The following NIPA2 variants were observed in gnomAD, a reference collection of about 807,000 sequenced individuals.
The protein encoded by NIPA2 is NIPA magnesium transporter 2, also known as magnesium transporter NIPA2.
Under a neutral mutation model 29.7 loss-of-function variants are expected in NIPA2, and 11 were observed. That is an observed-to-expected ratio of 0.37 (90% CI 0.23 to 0.61). The LOEUF is 0.61. NIPA2 is among the 20% of genes least tolerant of loss of function. NIPA2 has a pLI of 0.66. For synonymous variants in NIPA2, 183 were observed against 161.9 expected, an observed-to-expected ratio of 1.13 and a Z score of -0.99; for missense variants, 426 against 437.9, an observed-to-expected ratio of 0.97 and a Z score of 0.24.
At chr15:22,846,839 TA>T (rs1187858456) in intron 3 of NIPA2, among the ~76,000 whole-genome samples, 11 of 138,974 alleles carry the variant, frequency 7.9e-5, no homozygotes, top group South Asian at 4.7e-4. Context: ...ATAATAATAA[TA>T]ATTATTATTA....
chr15:22,844,997 A>G (rs1898214049), intron 2 of NIPA2, 149 bp from the exon 3 acceptor site: 1 of 152,170 alleles, frequency 6.6e-6, no homozygotes, highest in Non-Finnish European at 1.5e-5. Context: ...ATTACTCCCG[A>G]GTCCCCCTAA....
rs901973792 is a variant in NIPA2, at chr15:22,851,728, C to T, written c.-4C>T. On this transcript the variant is annotated 5_prime_UTR_variant, in exon 4 of 8. It adds an upstream start codon to the 5' untranslated region. Transcript: ENST00000337451. Reference sequence around the variant, plus strand: ...TCACAGGAACTCCTTAAGTAACAAACGAAATGAGCCAGGGGCGTGGAAAAT... The same window carrying T: ...TCACAGGAACTCCTTAAGTAACAAATGAAATGAGCCAGGGGCGTGGAAAAT... 2.5e-6 allele frequency: 4 copies of T among 1,605,158 alleles called. No homozygotes were observed. The highest frequency in any genetic ancestry group is 4.5e-5 in the East Asian group (2 of 44,782).
chr15:22,861,133 T>G lies in NIPA2; in HGVS notation c.448+344T>G, dbSNP rs377362232. Among the ~76,000 whole-genome samples, 7 of 152,366 alleles carry G rather than the reference T, an allele frequency of 4.6e-5. No homozygotes were observed. The South Asian group carries it at 1.5e-3, about 32-fold the overall frequency. The stretch of plus-strand genomic sequence containing the variant: ...TTGTCATCTTAGTCTTTATTATGGT[T>G]GTTGTTCCTTCCCTGTATAATTTGT... On this transcript the variant is annotated intron_variant, in intron 7 of 7. Coordinates refer to ENST00000337451, the MANE Select transcript of NIPA2 (RefSeq NM_030922.7).
chr15:22,850,391 T>C (rs1730467413), intron 3 of NIPA2, among the ~76,000 whole-genome samples: 3 of 152,156 alleles, frequency 2.0e-5, no homozygotes, highest in South Asian at 2.1e-4. Context: ...CAAAGCAAGC[T>C]TGATGGCCAA....
chr15:22,866,291 C>A lies in NIPA2; in HGVS notation c.527C>A (p.Thr176Lys). The stretch of plus-strand genomic sequence containing the variant: ...GTGGTGGGTCCTCGCCATGGACAGA[C>A]AAACATTCTTGTGTACATAACAATC... Reference protein sequence around the residue: ...IFVVGPRHGQTNILVYITICS... With the variant: ...IFVVGPRHGQKNILVYITICS... Residue 176 changes from threonine to lysine, a missense_variant, in exon 8 of 8, where the codon ACA becomes AAA. By Grantham distance (78) the Thr-to-Lys change is moderately conservative. Coordinates refer to ENST00000337451, the MANE Select transcript of NIPA2 (RefSeq NM_030922.7). The A allele has an allele frequency of 6.2e-7, 1 of 1,613,870 alleles. No homozygotes were observed. Among genetic ancestry groups the A allele is most frequent in the South Asian group, 1.1e-5 (1 of 91,072 alleles).
Position 22,866,237 on chromosome 15 carries a change from T to C in NIPA2, c.473T>C (p.Val158Ala), listed in dbSNP as rs1392228161. The change falls in exon 8 of 8, where the codon GTG becomes GCG. Residue 158 changes from valine (V) to alanine (A), a missense_variant. Physicochemically the swap from Val to Ala is moderately conservative, Grantham distance 64 (BLOSUM62 0). This residue lies in a region of NIPA2 where 357 missense variants were observed against 339.8 expected (regional missense o/e 1.05). Transcript: ENST00000337451. ...DPGFVVFATL[V>A]VIVALILIFV... ...GGTTTTGTGGTCTTTGCAACCCTTG[T>C]GGTCATTGTGGCCTTGATATTAATC... 1 of 1,613,772 alleles carries C rather than the reference T, an allele frequency of 6.2e-7. No homozygotes were observed.
intron 2 of NIPA2, among the ~76,000 whole-genome samples, chr15:22,840,820 G>A (rs1461914469): frequency 6.6e-6 from 1 of 152,030 alleles, no homozygotes; most frequent in Non-Finnish European, 1.5e-5. Flanking sequence ...GTTAGGGAGA[G>A]ATAATAAAAA....
In NIPA2 at chr15:22,860,800, A is replaced by G. The variant is rs2058565735; in HGVS notation, c.448+11A>G. Reference sequence around the variant, plus strand: ...AGCTAGGTGATCCAGGTAAGAAAAAAGTCTTATTAGTCTTACTGTATTTTA... The same window carrying G: ...AGCTAGGTGATCCAGGTAAGAAAAAGGTCTTATTAGTCTTACTGTATTTTA... On this transcript the variant is annotated intron_variant, in intron 7 of 7. Transcript: ENST00000337451. The G allele has an allele frequency of 6.4e-7, 1 of 1,564,886 alleles. No individual in the cohort carries two copies. Among genetic ancestry groups the G allele is most frequent in the Non-Finnish European group, 8.6e-7 (1 of 1,158,022 alleles).
chr15:22,848,385 A>T (rs1433731386), intron 3 of NIPA2, among the ~76,000 whole-genome samples: 1 of 152,056 alleles, frequency 6.6e-6, no homozygotes, highest in African/African-American at 2.4e-5. Context: ...TTTTCTGTGT[A>T]TTAATGGCTG....
At chr15:22,842,735 A>G (rs1452505753) in intron 2 of NIPA2, among the ~76,000 whole-genome samples, 7 of 152,130 alleles carry the variant, frequency 4.6e-5, no homozygotes, top group Non-Finnish European at 8.8e-5. Flanking sequence ...AGGCTGAGGC[A>G]GGAGAATCAC....
chr15:22,846,435 C>G (rs1595282810), intron 3 of NIPA2, among the ~76,000 whole-genome samples: 1 of 152,114 alleles, frequency 6.6e-6, no homozygotes, highest in Non-Finnish European at 1.5e-5. Flanking sequence ...ATGTAACTTG[C>G]ATTTAGTGAA....
At chr15:22,864,045 G>C (rs1566868754) in intron 7 of NIPA2, among the ~76,000 whole-genome samples, 1 of 151,802 alleles carries the variant, frequency 6.6e-6, no homozygotes, top group African/African-American at 2.4e-5. Context: ...TAATTTTTTT[G>C]TTTTTTGAGG....
At chr15:22,840,331 T>C (rs1348147705) in intron 2 of NIPA2, among the ~76,000 whole-genome samples, 1 of 147,482 alleles carries the variant, frequency 6.8e-6, no homozygotes, top group Non-Finnish European at 1.5e-5. Context: ...GGAATCTTGC[T>C]CTGTCACTCG....
At chr15:22,847,062 C>A (rs1005274147) in intron 3 of NIPA2, among the ~76,000 whole-genome samples, 9 of 151,528 alleles carry the variant, frequency 5.9e-5, no homozygotes, top group African/African-American at 1.7e-4. Context: ...TGCCACCATG[C>A]CCTGCTAATT....
At chr15:22,861,220 G>GA (rs1393136097) in intron 7 of NIPA2, among the ~76,000 whole-genome samples, 3 of 152,076 alleles carry the variant, frequency 2.0e-5, no homozygotes, top group Non-Finnish European at 2.9e-5. Context: ...AATGTATCAT[G>GA]AAACTCTTCC....
At chr15:22,861,124 T>C (rs1480339965) in intron 7 of NIPA2, among the ~76,000 whole-genome samples, 1 of 152,240 alleles carries the variant, frequency 6.6e-6, no homozygotes, top group Non-Finnish European at 1.5e-5. Context: ...TCTTAGTCTT[T>C]ATTATGGTTG....
At position 22,841,731 on chromosome 15, in the gene NIPA2, A is replaced by T. The variant is rs947223106; in HGVS notation, c.-216+1941A>T. Reference sequence around the variant, plus strand: ...ACCATGTTGGTCAGGCTGGTCTCGAACTCCTGACCTCATGATCCACCCGCC... The same window carrying T: ...ACCATGTTGGTCAGGCTGGTCTCGATCTCCTGACCTCATGATCCACCCGCC... On this transcript the variant is annotated intron_variant, in intron 2 of 7. Transcript: ENST00000337451. 4.0e-5 allele frequency among the ~76,000 whole-genome samples: 6 copies of T among 151,810 alleles called. No individual in the cohort carries two copies. The East Asian group carries it at 1.2e-3, about 29-fold the overall frequency.
chr15:22,841,858 A>G (rs559845496), intron 2 of NIPA2, among the ~76,000 whole-genome samples: 94 of 152,254 alleles, frequency 6.2e-4, no homozygotes, highest in African/African-American at 2.2e-3. Flanking sequence ...ACTCAAGGTC[A>G]GCCACAGTGG....
chr15:22,847,396 C>T (rs1899051845), intron 3 of NIPA2, among the ~76,000 whole-genome samples: 1 of 151,964 alleles, frequency 6.6e-6, no homozygotes, highest in Admixed American at 6.6e-5. Context: ...GTCACTTCCA[C>T]AGCAGTAGAA....
Sources: gnomAD v4.1 joint callset for allele counts (sites outside exome capture counted in the v4.1 genomes callset) on GRCh38, gnomAD v4.1.1 for gene constraint, gnomAD v4.1.1 regional missense constraint, MANE v1.5 for transcripts, NCBI Gene and HGNC (gene_info 2026-07-23, HGNC 2026-07-21) for gene names.